Variants in SLC26A8 observed in about 807,000 individuals in gnomAD.
The protein encoded by SLC26A8 is testis anion transporter 1.
Under a neutral mutation model 105.0 loss-of-function variants are expected in SLC26A8, and 70 were observed. The ratio of observed to expected loss-of-function variants is 0.67; its 90% CI spans 0.55 to 0.81. SLC26A8 has a LOEUF of 0.81. Among genes scored for constraint, SLC26A8 ranks in the 40% least tolerant of loss-of-function variants. The pLI, the probability that SLC26A8 is intolerant of heterozygous loss-of-function variation, is 0.00. For synonymous variants in SLC26A8, 415 were observed against 438.3 expected (o/e 0.95, Z 0.66); for missense variants, 998 against 1,181.8 (o/e 0.84, Z 2.28).
intron 3 of SLC26A8, among the ~76,000 whole-genome samples, chr6:36,009,353 AAAC>A (rs145874408): frequency 0.1 from 15,237 of 149,198 alleles, 899 homozygotes; most frequent in Middle Eastern, 0.15. Context: ...TGCCTCTCAA[AAAC>A]AACAACAACA....
intron 3 of SLC26A8, among the ~76,000 whole-genome samples, chr6:36,002,759 T>C (rs925387437): frequency 6.6e-6 from 1 of 150,586 alleles, no homozygotes; most frequent in African/African-American, 2.4e-5. Flanking sequence ...CAGGCTGGAG[T>C]GCAGTGATGA....
chr6:36,006,735 A>T lies in SLC26A8; in HGVS notation c.328+5498T>A, dbSNP rs541652666. On this transcript the variant is annotated intron_variant, in intron 3 of 19. Coordinates refer to ENST00000490799, the MANE Select transcript of SLC26A8 (RefSeq NM_052961.4). Reference sequence around the variant, plus strand: ...AATACAAATGGGCCATTTTGGTTGTAGCTGCCACATGAAAATTTCTTTTTG... The same window carrying T: ...AATACAAATGGGCCATTTTGGTTGTTGCTGCCACATGAAAATTTCTTTTTG... 1.0e-3 allele frequency among the ~76,000 whole-genome samples: 157 copies of T among 152,346 alleles called. 1 individual carries two copies. Among genetic ancestry groups the T allele is most frequent in the Admixed American group, 2.7e-3 (42 of 15,286 alleles).
At chr6:35,991,401 CAAAA>C (rs10717911) in intron 7 of SLC26A8, among the ~76,000 whole-genome samples, 1 of 100,468 alleles carries the variant, frequency 1.0e-5, no homozygotes, top group Non-Finnish European at 2.0e-5. Flanking sequence ...AAGACTCTGT[CAAAA>C]AAAAAAAAAA....
intron 9 of SLC26A8, 79 bp downstream of exon 9, chr6:35,977,125 G>T (rs1773067975): frequency 7.4e-6 from 11 of 1,483,460 alleles, no homozygotes. Context: ...AGTTAAAAAA[G>T]ACTCCTGCTT....
Position 35,949,897 on chromosome 6 carries a change from C to G in SLC26A8, c.2472+1266G>C, listed in dbSNP as rs1771802643. On this transcript the variant is annotated intron_variant, in intron 19 of 19. Transcript: ENST00000490799. ...CTCGGCTCACTGCAACCTCTGCCTC[C>G]TGGGTTCAAGCGATTCTCCTGCCTC... 4.6e-5 allele frequency among the ~76,000 whole-genome samples: 7 copies of G among 151,962 alleles called. No individual in the cohort carries two copies. In the South Asian group the frequency reaches 1.5e-3, roughly 32 times the overall value.
At chr6:35,976,573 T>C (rs1045847039) in intron 9 of SLC26A8, among the ~76,000 whole-genome samples, 7 of 145,642 alleles carry the variant, frequency 4.8e-5, no homozygotes, top group African/African-American at 1.8e-4. Context: ...TTTTTTGAGA[T>C]GGAGTCGCCC....
In SLC26A8 at chr6:35,951,246, A is replaced by C. The variant is rs1162301941; in HGVS notation, c.2389T>G (p.Ser797Ala). Residue 797 changes from serine to alanine, a missense_variant, in exon 19 of 20, where the codon TCA (serine) becomes GCA (alanine). Transcript: ENST00000490799. The stretch of plus-strand genomic sequence containing the variant: ...TCAGAGGAGCCTATGACCTTCCTTG[A>C]CAAGGCAAACAGCACGGCGTCGTGA... ...SVHDAVLFAL[S>A]RKVIGSSELS... 1.2e-6 allele frequency: 2 copies of C among 1,613,932 alleles called. No homozygotes were observed. Among genetic ancestry groups the C allele is most frequent in the African/African-American group, 1.3e-5 (1 of 74,874 alleles).
chr6:35,959,241 T>G (rs189659908), intron 16 of SLC26A8, among the ~76,000 whole-genome samples: 10 of 152,108 alleles, frequency 6.6e-5, no homozygotes, highest in Non-Finnish European at 1.5e-4. Context: ...CCACCTACTT[T>G]CTTGTGAAAA....
intron 19 of SLC26A8, 143 bp downstream of exon 19, chr6:35,951,020 A>G (rs1581622709): frequency 1.2e-6 from 1 of 803,422 alleles, no homozygotes. Context: ...AGATTCTGGT[A>G]CAGCCATACT....
Position 35,999,972 on chromosome 6 carries a change from T to A in SLC26A8, c.445+20A>T. 1 of 1,494,576 alleles carries A rather than the reference T, an allele frequency of 6.7e-7. No homozygotes were observed. The highest frequency in any genetic ancestry group is 9.3e-7 in the Non-Finnish European group (1 of 1,071,576). 92.6% of individuals were successfully genotyped at this position (1,494,576 alleles called of 1,614,324 possible). ...ATGGAAACTTCATCCACCGCATGTG[T>A]ATTTCAGTGCTGAACTCACCAATGG... On this transcript the variant is annotated intron_variant, in intron 4 of 19. Coordinates refer to ENST00000490799, the MANE Select transcript of SLC26A8 (RefSeq NM_052961.4).
In SLC26A8 at chr6:36,024,496, C is replaced by CG. The variant is rs1762210030; in HGVS notation, c.-3+7dup. ...CCGGCGCCCAGGCGTCTCCCAGCAG[C>CG]GGCTCACCTGGCTCCTTGGCGGGGG... On this transcript the variant is annotated splice_region_variant and intron_variant, in intron 1 of 19. Transcript: ENST00000490799. The CG allele has an allele frequency of 2.2e-6, 1 of 447,130 alleles. No individual in the cohort carries two copies. Among genetic ancestry groups the CG allele is most frequent in the Non-Finnish European group, 4.5e-6 (1 of 223,992 alleles). 27.7% of individuals were successfully genotyped at this position (447,130 alleles called of 1,614,324 possible).
At chr6:35,968,627 A>G (rs866356686) in intron 11 of SLC26A8, among the ~76,000 whole-genome samples, 7,620 of 98,846 alleles carry the variant, frequency 0.077, 822 homozygotes, top group African/African-American at 0.3. Context: ...ATATATATAT[A>G]TATATATATA....
intron 10 of SLC26A8, among the ~76,000 whole-genome samples, chr6:35,973,572 C>T (rs1286340622): frequency 6.6e-6 from 1 of 151,500 alleles, no homozygotes; most frequent in Admixed American, 6.6e-5. Context: ...TTTAGCTCAT[C>T]AGCTATTGTT....
chr6:35,945,668 T>C (rs1417793216), intron 19 of SLC26A8, among the ~76,000 whole-genome samples: 1 of 152,166 alleles, frequency 6.6e-6, no homozygotes, highest in Non-Finnish European at 1.5e-5. Flanking sequence ...TCTTTTGTGT[T>C]CCAACTACAT....
chr6:36,001,901 C>A (rs984202867), intron 3 of SLC26A8, among the ~76,000 whole-genome samples: 4 of 152,316 alleles, frequency 2.6e-5, no homozygotes, highest in Middle Eastern at 3.4e-3. Context: ...CTTGAGATAA[C>A]TGCAATCTCA....
At chr6:35,982,292 T>A in intron 7 of SLC26A8, 89 bp from the exon 8 acceptor site, 1 of 1,287,044 alleles carries the variant, frequency 7.8e-7, no homozygotes, top group African/African-American at 1.5e-5. Flanking sequence ...CCATTGCCTC[T>A]GGCAGGACAG....
At chr6:36,024,114 A>G (rs612049) in intron 1 of SLC26A8, among the ~76,000 whole-genome samples, 6,954 of 152,118 alleles carry the variant, frequency 0.046, 390 homozygotes, top group African/African-American at 0.13. Context: ...AACAAAATTA[A>G]CAAAAGCAGT....
intron 19 of SLC26A8, 104 bp from the exon 20 acceptor site, chr6:35,944,444 G>A: frequency 2.6e-6 from 2 of 757,256 alleles, no homozygotes; most frequent in Non-Finnish European, 4.3e-6. Flanking sequence ...GCTGGGGCAG[G>A]AGAATCGCTT....
intron 4 of SLC26A8, among the ~76,000 whole-genome samples, 175 bp from the exon 5 acceptor site, chr6:35,998,094 T>C (rs1019998191): frequency 2.6e-5 from 4 of 152,222 alleles, no homozygotes. Context: ...TCTCCACATA[T>C]TGTGACCAAC....
Sources: allele counts gnomAD v4.1 joint callset (sites outside exome capture counted in the v4.1 genomes callset), GRCh38; gene constraint gnomAD v4.1.1; transcripts MANE v1.5; gene names NCBI Gene and HGNC (gene_info 2026-07-23, HGNC 2026-07-21).